The following PAK2 variants were observed in gnomAD, a reference collection of about 807,000 sequenced individuals.
PAK2 encodes the protein p21 (RAC1) activated kinase 2, also known as serine/threonine-protein kinase PAK 2.
Under a neutral mutation model 65.9 loss-of-function variants are expected in PAK2, and 21 were observed. The ratio of observed to expected loss-of-function variants is 0.32; its 90% CI spans 0.23 to 0.46. PAK2 has a LOEUF of 0.46. Ranked by LOEUF, PAK2 falls within the 20% of genes least tolerant of loss-of-function variation. The pLI is 1.00. For synonymous variants in PAK2, 204 were observed against 219.7 expected (o/e 0.93, Z 0.63); for missense variants, 324 against 642.6 (o/e 0.50, Z 5.36).
intron 2 of PAK2, among the ~76,000 whole-genome samples, chr3:196,785,549 A>C (rs145873818): frequency 6.6e-6 from 1 of 152,200 alleles, no homozygotes; most frequent in African/African-American, 2.4e-5. Flanking sequence ...ATTACTCAAA[A>C]AACTGAGCAT....
At chr3:196,823,588 G>C (rs751799019) in intron 13 of PAK2, among the ~76,000 whole-genome samples, 3 of 151,580 alleles carry the variant, frequency 2.0e-5, no homozygotes, top group African/African-American at 7.3e-5. Context: ...ACCTTGGGCC[G>C]GGCACGGTGG....
At chr3:196,815,489 CAA>C (rs796383290) in intron 11 of PAK2, among the ~76,000 whole-genome samples, 27 of 96,120 alleles carry the variant, frequency 2.8e-4, no homozygotes, top group African/African-American at 3.6e-4. Context: ...AAGATTGTCT[CAA>C]AAAAAAAAAA....
chr3:196,812,347 A>G, intron 9 of PAK2, 80 bp downstream of exon 9: 1 of 849,872 alleles, frequency 1.2e-6, no homozygotes, highest in Non-Finnish European at 2.1e-6. Flanking sequence ...GGAAGAAGCA[A>G]TAGGAACCTC....
At chr3:196,768,160 C>G (rs1242965178) in intron 1 of PAK2, among the ~76,000 whole-genome samples, 2 of 152,072 alleles carry the variant, frequency 1.3e-5, no homozygotes. Flanking sequence ...CGTGGTGGGA[C>G]ACTGAGGAGT....
rs143651154 is a variant in PAK2 at position 196,832,186 on chromosome 3, A to G, written c.*3781A>G. ...AATGGATGATAGTTCTGTCAAGCAC[A>G]CTTCTGTTCTCTTAGAACTTAGAAG... On this transcript the variant is annotated 3_prime_UTR_variant, in exon 15 of 15. Transcript: ENST00000327134. 1 of 152,322 alleles carries G rather than the reference A, an allele frequency of 6.6e-6. No individual in the cohort carries two copies. Among genetic ancestry groups the G allele is most frequent in the East Asian group, 1.9e-4 (1 of 5,188 alleles). The allele number at this position is 152,322 out of a possible 1,614,324, so 9.4% of individuals were successfully genotyped here. A position where few individuals can be genotyped will look rare whatever the true frequency, so the allele number is the denominator to read the frequency against.
chr3:196,794,183 A>C (rs1161377576), intron 2 of PAK2, among the ~76,000 whole-genome samples: 1 of 152,168 alleles, frequency 6.6e-6, no homozygotes, highest in African/African-American at 2.4e-5. Flanking sequence ...AAATACAAAG[A>C]TGGAAAATAT....
chr3:196,793,590 G>T (rs1328826382), intron 2 of PAK2, among the ~76,000 whole-genome samples: 2 of 151,838 alleles, frequency 1.3e-5, no homozygotes, highest in South Asian at 2.1e-4. Context: ...AAACAATAGG[G>T]ATAAAAACAG....
At position 196,751,663 on chromosome 3, in the gene PAK2, T is replaced by TATATATATATATATATATATATA. The variant is rs1713589849; in HGVS notation, c.-22+11506_-22+11507insATATATATATATATATATATATA. The stretch of plus-strand genomic sequence containing the variant: ...CTGTCCCCCCAAAAAACACACAAAT[T>TATATATATATATATATATATATA]TATTTATATACATATATATATATAT... On this transcript the variant is annotated intron_variant, in intron 1 of 14. Transcript: ENST00000327134. 2.6e-3 allele frequency among the ~76,000 whole-genome samples: 118 copies of TATATATATATATATATATATATA among 45,644 alleles called. 16 individuals are homozygous for TATATATATATATATATATATATA. The highest frequency in any genetic ancestry group is 3.4e-3 in the Admixed American group (13 of 3,788). 29.9% of individuals were successfully genotyped at this position (45,644 alleles called of 152,430 possible).
chr3:196,831,657 G>A lies in PAK2; in HGVS notation c.*3252G>A, dbSNP rs1164172129. On this transcript the variant is annotated 3_prime_UTR_variant, in exon 15 of 15. Coordinates refer to ENST00000327134, the MANE Select transcript of PAK2 (RefSeq NM_002577.4). Reference sequence around the variant, plus strand: ...TTAGGGCTCACTTAAATACATGTTTGTATATACTGTATTCTAGCCAGAATA... The same window carrying A: ...TTAGGGCTCACTTAAATACATGTTTATATATACTGTATTCTAGCCAGAATA... The A allele has an allele frequency of 2.6e-5, 4 of 152,252 alleles. No individual in the cohort carries two copies. The highest frequency in any genetic ancestry group is 5.9e-5 in the Non-Finnish European group (4 of 68,020). 9.4% of individuals were successfully genotyped at this position (152,252 alleles called of 1,614,324 possible). A position where few individuals can be genotyped will look rare whatever the true frequency, so the allele number is the denominator to read the frequency against.
chr3:196,813,906 C>T (rs911922575), intron 10 of PAK2, among the ~76,000 whole-genome samples: 16 of 152,066 alleles, frequency 1.1e-4, no homozygotes, highest in Admixed American at 2.6e-4. Flanking sequence ...GCCGAGATCG[C>T]GCCACTGCAC....
chr3:196,831,241 G>T lies in PAK2; in HGVS notation c.*2836G>T, dbSNP rs1241396260. The T allele has an allele frequency of 1.3e-5, 2 of 152,088 alleles. No homozygotes were observed. The highest frequency in any genetic ancestry group is 4.8e-5 in the African/African-American group (2 of 41,402). The allele number at this position is 152,088 out of a possible 1,614,324, so 9.4% of individuals were successfully genotyped here. A position where few individuals can be genotyped will look rare whatever the true frequency, so the allele number is the denominator to read the frequency against. ...ATTTACCCTTTTTGTCATCACTTTAGAATGAAAATTCCCATTTAAATCTGA... is the reference window on the plus strand; with the variant it reads ...ATTTACCCTTTTTGTCATCACTTTATAATGAAAATTCCCATTTAAATCTGA... On this transcript the variant is annotated 3_prime_UTR_variant, in exon 15 of 15. Transcript: ENST00000327134.
chr3:196,825,431 T>C (rs549617098), intron 13 of PAK2, among the ~76,000 whole-genome samples: 7,311 of 150,854 alleles, frequency 0.048, 614 homozygotes, highest in African/African-American at 0.17. Context: ...ATCACAAAGT[T>C]GGGAGTTTAA....
At chr3:196,784,824 C>G (rs1345138756) in intron 2 of PAK2, among the ~76,000 whole-genome samples, 4 of 151,476 alleles carry the variant, frequency 2.6e-5, no homozygotes, top group Admixed American at 6.6e-5. Context: ...AATGGTTGAA[C>G]TAGTTTACAG....
chr3:196,807,716 GT>G, intron 6 of PAK2, 65 bp from the exon 7 acceptor site: 2 of 913,420 alleles, frequency 2.2e-6, no homozygotes, highest in Admixed American at 4.5e-5. Context: ...AACTGAATTA[GT>G]TTGCCAGGAA....
rs576378257 is a variant in PAK2, at chr3:196,825,896, T to TA, written c.1351-1299dup. On this transcript the variant is annotated intron_variant, in intron 13 of 14. Transcript: ENST00000327134. ...CTTGCTGTCTTGTCCAGGCTGGAGT[T>TA]ACAGTGGTGCAATCTTGGCTCACTG... is the stretch of plus-strand genomic sequence containing the variant. Among the ~76,000 whole-genome samples, 885 of 152,210 alleles carry TA rather than the reference T, an allele frequency of 5.8e-3. 4 individuals carry two copies. The highest frequency in any genetic ancestry group is 0.026 in the South Asian group (126 of 4,814).
Position 196,831,320 on chromosome 3 carries a change from A to ATTTAT in PAK2, c.*2925_*2929dup, listed in dbSNP as rs1248683320. 2 of 152,256 alleles carry ATTTAT rather than the reference A, an allele frequency of 1.3e-5. No individual in the cohort carries two copies. Among genetic ancestry groups the ATTTAT allele is most frequent in the East Asian group, 1.9e-4 (1 of 5,184 alleles). The allele number at this position is 152,256 out of a possible 1,614,324, so 9.4% of individuals were successfully genotyped here. A position where few individuals can be genotyped will look rare whatever the true frequency, so the allele number is the denominator to read the frequency against. On this transcript the variant is annotated 3_prime_UTR_variant, in exon 15 of 15. Transcript: ENST00000327134. ...TTAGGACAGTATTATTATAGTACTT[A>ATTTAT]TTTATTTTATTTTAGATTTAAAGTT...
At chr3:196,809,268 A>G (rs903262842) in intron 7 of PAK2, among the ~76,000 whole-genome samples, 1 of 149,324 alleles carries the variant, frequency 6.7e-6, no homozygotes, top group Admixed American at 6.8e-5. Context: ...ACAAATGTTT[A>G]TATGCCCCAT....
intron 8 of PAK2, among the ~76,000 whole-genome samples, chr3:196,811,747 CAA>C (rs1470590582): frequency 2.6e-5 from 4 of 151,920 alleles, no homozygotes; most frequent in African/African-American, 7.3e-5. Flanking sequence ...AAAAATTAGA[CAA>C]AGTATATTTT....
chr3:196,828,502 T>C lies in PAK2; in HGVS notation c.*97T>C, dbSNP rs1437478580. 1.3e-6 allele frequency: 1 copy of C among 784,474 alleles called. No individual in the cohort carries two copies. Among genetic ancestry groups the C allele is most frequent in the Non-Finnish European group, 2.2e-6 (1 of 451,290 alleles). The allele number at this position is 784,474 out of a possible 1,614,324, so 48.6% of individuals were successfully genotyped here. A position where few individuals can be genotyped will look rare whatever the true frequency, so the allele number is the denominator to read the frequency against. Reference sequence around the variant, plus strand: ...CTCTTTTTGGGGTTTAAAGAAATGGTCTGCATAACCTGAATGAAAGAAGCA... The same window carrying C: ...CTCTTTTTGGGGTTTAAAGAAATGGCCTGCATAACCTGAATGAAAGAAGCA... On this transcript the variant is annotated 3_prime_UTR_variant, in exon 15 of 15. Transcript: ENST00000327134.
Sources: gnomAD v4.1 joint callset for allele counts (sites outside exome capture counted in the v4.1 genomes callset) on GRCh38, gnomAD v4.1.1 for gene constraint, MANE v1.5 for transcripts, NCBI Gene and HGNC (gene_info 2026-07-23, HGNC 2026-07-21) for gene names.